The following PHACTR1 variants were observed in gnomAD, a reference collection of about 807,000 sequenced individuals.
PHACTR1 encodes RPEL repeat containing 1.
PHACTR1 carries 16 observed loss-of-function variants against 69.2 expected under a neutral mutation model. The observed-to-expected ratio is 0.23, with a 90% CI of 0.16 to 0.35. PHACTR1 has a LOEUF of 0.35. Ranked by LOEUF, PHACTR1 falls within the 10% of genes least tolerant of loss-of-function variation. The pLI is 1.00. For synonymous variants in PHACTR1, 312 were observed against 284.5 expected, an observed-to-expected ratio of 1.10 and a Z score of -0.97; for missense variants, 510 against 734.7, an observed-to-expected ratio of 0.69 and a Z score of 3.54.
At chr6:13,282,488 C>T (rs1780503778) in intron 12 of PHACTR1, among the ~76,000 whole-genome samples, 1 of 152,048 alleles carries the variant, frequency 6.6e-6, no homozygotes, top group Non-Finnish European at 1.5e-5. Flanking sequence ...AGGGCTGGTC[C>T]TGAGTCTCCC....
chr6:12,791,958 G>C (rs2127662740), intron 4 of PHACTR1, among the ~76,000 whole-genome samples: 1 of 152,214 alleles, frequency 6.6e-6, no homozygotes, highest in East Asian at 1.9e-4. Flanking sequence ...AGCAAAGCAA[G>C]AGGGATATAA....
chr6:12,941,394 A>T (rs904878434), intron 4 of PHACTR1, among the ~76,000 whole-genome samples: 1 of 152,066 alleles, frequency 6.6e-6, no homozygotes, highest in Non-Finnish European at 1.5e-5. Flanking sequence ...CTGTAAAATG[A>T]TGAAGGGTCT....
In PHACTR1 at chr6:13,262,685, T is replaced by A. The variant is rs79678122; in HGVS notation, c.1392-10175T>A. On this transcript the variant is annotated intron_variant, in intron 10 of 14. Transcript: ENST00000332995. ...AGGATGTAGAGGGGATAGAATTCAG[T>A]GCTTCTCCCTTTCCCCTGATCCCAC... Among the ~76,000 whole-genome samples the A allele has an allele frequency of 2.5e-3, 387 of 152,318 alleles. 1 individual carries two copies. Among genetic ancestry groups the A allele is most frequent in the African/African-American group, 8.4e-3 (350 of 41,570 alleles).
In PHACTR1 at chr6:13,246,392, G is replaced by A. The variant is rs1353490418; in HGVS notation, c.1391+16199G>A. 6.6e-6 allele frequency among the ~76,000 whole-genome samples: 1 copy of A among 151,012 alleles called. No individual in the cohort carries two copies. The highest frequency in any genetic ancestry group is 1.5e-5 in the Non-Finnish European group (1 of 67,964). On this transcript the variant is annotated intron_variant, in intron 10 of 14. Transcript: ENST00000332995. The surrounding 1 kb of genome is among the most constrained non-coding windows in gnomAD (Gnocchi z 4.2). ...AAGAACACTGAAATTAAATGTGCGAGCGAAAGATGTTTCCCTACCTGGATG... is the reference window on the plus strand; with the variant it reads ...AAGAACACTGAAATTAAATGTGCGAACGAAAGATGTTTCCCTACCTGGATG...
At chr6:12,863,620 A>C (rs1021194071) in intron 4 of PHACTR1, among the ~76,000 whole-genome samples, 1 of 152,250 alleles carries the variant, frequency 6.6e-6, no homozygotes, top group Non-Finnish European at 1.5e-5. Flanking sequence ...ATCTGATCAC[A>C]GAAGTGCAGT....
chr6:13,026,602 C>T (rs897748545), intron 4 of PHACTR1, among the ~76,000 whole-genome samples: 1 of 152,140 alleles, frequency 6.6e-6, no homozygotes, highest in Non-Finnish European at 1.5e-5. Context: ...GTCTTCTCCT[C>T]TCTGTTCATG....
Position 13,160,234 on chromosome 6 carries a change from G to C in PHACTR1, c.446G>C (p.Ser149Thr), listed in dbSNP as rs1204518733. 3.1e-6 allele frequency: 5 copies of C among 1,613,746 alleles called. No individual in the cohort carries two copies. The South Asian group carries it at 5.5e-5, about 18-fold the overall frequency. The change falls in exon 6 of 15, where the codon AGC (serine) becomes ACC (threonine). Residue 149 changes from serine (S) to threonine (T), a missense_variant. Around this residue, in one of 2 missense-constraint regions of PHACTR1, gnomAD observed 419 missense variants for 530.9 expected, o/e 0.79. Coordinates refer to ENST00000332995, the MANE Select transcript of PHACTR1 (RefSeq NM_030948.6). ...ALERKISMRQ[S>T]REELIKRGVL... is the part of the protein sequence containing the mutation. ...GAAAGGAAAATATCTATGAGGCAAA[G>C]CAGAGAAGAGCTGATAAAGCGAGGA...
rs115891442 is a variant in PHACTR1 at position 12,904,269 on chromosome 6, C to T, written c.251-149096C>T. Reference sequence around the variant, plus strand: ...TTTTATAGAAACTACTCATTACGGCCGGGTGCAGTGGCTCATGCCTGTAAC... The same window carrying T: ...TTTTATAGAAACTACTCATTACGGCTGGGTGCAGTGGCTCATGCCTGTAAC... On this transcript the variant is annotated intron_variant, in intron 4 of 14. Transcript: ENST00000332995. Among the ~76,000 whole-genome samples, 1,337 of 152,118 alleles carry T rather than the reference C, an allele frequency of 8.8e-3. 24 individuals are homozygous for T. The highest frequency in any genetic ancestry group is 0.03 in the African/African-American group (1,257 of 41,496).
intron 4 of PHACTR1, among the ~76,000 whole-genome samples, chr6:12,763,912 TATTA>T (rs144586264): frequency 0.21 from 31,711 of 151,774 alleles, 3,722 homozygotes; most frequent in Middle Eastern, 0.33. Flanking sequence ...TAAAACATAT[TATTA>T]ATTAATAATT....
intron 4 of PHACTR1, among the ~76,000 whole-genome samples, chr6:12,973,011 T>C (rs912402695): frequency 4.6e-5 from 7 of 152,166 alleles, no homozygotes; most frequent in African/African-American, 1.7e-4. Flanking sequence ...TTTGGGCCTC[T>C]TGCATTCCTT....
chr6:12,768,648 A>G (rs1468311809), intron 4 of PHACTR1, among the ~76,000 whole-genome samples: 1 of 152,114 alleles, frequency 6.6e-6, no homozygotes, highest in African/African-American at 2.4e-5. Context: ...AACATGGGGT[A>G]CAGATATTTA....
chr6:12,885,187 T>G (rs1368023152), intron 4 of PHACTR1, among the ~76,000 whole-genome samples: 1 of 152,234 alleles, frequency 6.6e-6, no homozygotes, highest in Non-Finnish European at 1.5e-5. Flanking sequence ...CCCGTGGAAC[T>G]GCCTTGCGTC....
intron 4 of PHACTR1, among the ~76,000 whole-genome samples, chr6:12,917,767 T>C (rs1392738099): frequency 6.6e-6 from 1 of 151,842 alleles, no homozygotes; most frequent in African/African-American, 2.4e-5. Flanking sequence ...TAAATAAAAA[T>C]GAACAAATGA....
At chr6:12,914,315 C>T (rs1043355917) in intron 4 of PHACTR1, among the ~76,000 whole-genome samples, 6 of 152,140 alleles carry the variant, frequency 3.9e-5, no homozygotes, top group African/African-American at 1.4e-4. Context: ...CTTCTTCTTC[C>T]AGCTTCTGCT....
At chr6:12,870,976 C>A (rs1184197895) in intron 4 of PHACTR1, among the ~76,000 whole-genome samples, 1 of 152,110 alleles carries the variant, frequency 6.6e-6, no homozygotes, top group Non-Finnish European at 1.5e-5. Context: ...GACTAAGACT[C>A]GAGTAATCAT....
At chr6:13,036,306 T>G (rs112026087) in intron 4 of PHACTR1, among the ~76,000 whole-genome samples, 23 of 152,348 alleles carry the variant, frequency 1.5e-4, no homozygotes, top group African/African-American at 5.3e-4. Flanking sequence ...AAAAATAGAA[T>G]TATACATAAT....
chr6:13,051,860 T>C (rs1028617168), intron 4 of PHACTR1, among the ~76,000 whole-genome samples: 4 of 152,174 alleles, frequency 2.6e-5, no homozygotes, highest in Admixed American at 2.0e-4. Context: ...ATGATCATAG[T>C]ATCTGGCAGA....
At chr6:13,271,480 A>T (rs757800241) in intron 10 of PHACTR1, among the ~76,000 whole-genome samples, 1 of 152,130 alleles carries the variant, frequency 6.6e-6, no homozygotes, top group Non-Finnish European at 1.5e-5. Context: ...AAATGACAAC[A>T]AGCTTTGAAT....
intron 3 of PHACTR1, among the ~76,000 whole-genome samples, chr6:12,721,392 A>C (rs886661090): frequency 6.6e-6 from 1 of 151,972 alleles, no homozygotes. Flanking sequence ...AAAAAAAAAA[A>C]CTTCACAATG....
Sources: gnomAD v4.1 joint callset for allele counts (sites outside exome capture counted in the v4.1 genomes callset) on GRCh38, gnomAD v4.1.1 for gene constraint, gnomAD v4.1.1 regional missense constraint, Gnocchi (gnomAD v3.1) non-coding constraint, MANE v1.5 for transcripts, NCBI Gene and HGNC (gene_info 2026-07-23, HGNC 2026-07-21) for gene names.